RASSF4: variants seen among roughly 807,000 people sequenced by gnomAD.
The protein encoded by RASSF4 is ras association domain-containing protein 4.
Under a neutral mutation model 41.1 loss-of-function variants are expected in RASSF4, and 38 were observed. That is an observed-to-expected ratio of 0.92 (90% CI 0.71 to 1.21). The LOEUF is 1.21. Ranked by LOEUF, RASSF4 falls within the 50% of genes most tolerant of loss-of-function variation. The probability of loss-of-function intolerance (pLI) is 0.00; values close to 1 mark genes in which losing one functional copy is unlikely to be tolerated. For synonymous variants in RASSF4, 179 were observed against 163.4 expected (o/e 1.10, Z -0.73); for missense variants, 414 against 419.4 (o/e 0.99, Z 0.11).
chr10:44,964,881 A>G (rs1564449611), intron 1 of RASSF4, among the ~76,000 whole-genome samples: 1 of 152,246 alleles, frequency 6.6e-6, no homozygotes, highest in Non-Finnish European at 1.5e-5. Context: ...AAATTCATCA[A>G]AATGAATGAA....
At chr10:44,991,160 T>G in intron 9 of RASSF4, 91 bp downstream of exon 9, 1 of 1,245,040 alleles carries the variant, frequency 8.0e-7, no homozygotes, top group Middle Eastern at 2.8e-4. Flanking sequence ...CAGAGCCCTG[T>G]CAGTTGATGT....
chr10:44,988,652 C>T (rs777659828), intron 6 of RASSF4, among the ~76,000 whole-genome samples: 2 of 152,348 alleles, frequency 1.3e-5, no homozygotes, highest in South Asian at 2.1e-4. Flanking sequence ...CAGATCGCTT[C>T]GCCTTGTGTT....
chr10:44,987,402 T>G (rs1312029406), intron 6 of RASSF4, among the ~76,000 whole-genome samples: 1 of 152,172 alleles, frequency 6.6e-6, no homozygotes, highest in Non-Finnish European at 1.5e-5. Context: ...TGGCCCTCTC[T>G]TCCATATTTC....
At chr10:44,977,629 A>AC (rs771154895) in intron 3 of RASSF4, 1 of 1,612,410 alleles carries the variant, frequency 6.2e-7, no homozygotes, top group Non-Finnish European at 8.5e-7. Flanking sequence ...GTCTATGTGG[A>AC]CCCCAGAGGC....
chr10:44,963,695 A>G (rs749433612), intron 1 of RASSF4, among the ~76,000 whole-genome samples: 33 of 152,240 alleles, frequency 2.2e-4, no homozygotes, highest in Non-Finnish European at 4.1e-4. Context: ...GTTATGACCT[A>G]TTTGATTTAA....
chr10:44,964,678 G>T (rs988013757), intron 1 of RASSF4, among the ~76,000 whole-genome samples: 3 of 152,160 alleles, frequency 2.0e-5, no homozygotes, highest in Admixed American at 6.5e-5. Context: ...ATTCTCAAAG[G>T]CCCCACCCAG....
chr10:44,966,596 C>A (rs1462861674), intron 1 of RASSF4, among the ~76,000 whole-genome samples: 5 of 152,148 alleles, frequency 3.3e-5, no homozygotes, highest in Non-Finnish European at 7.4e-5. Flanking sequence ...AAGAAGATTC[C>A]TGGAAAAAGG....
intron 3 of RASSF4, chr10:44,978,022 G>C (rs1450674820): frequency 6.2e-7 from 1 of 1,608,496 alleles, no homozygotes; most frequent in South Asian, 1.1e-5. Context: ...GCAGAAGCCG[G>C]GACCTCATCA....
chr10:44,962,742 G>A lies in RASSF4; in HGVS notation c.-39+2876G>A, dbSNP rs147675788. Among the ~76,000 whole-genome samples the A allele has an allele frequency of 1.3e-4, 20 of 152,382 alleles. No individual in the cohort carries two copies. The East Asian group carries it at 3.9e-3, about 29-fold the overall frequency. On this transcript the variant is annotated intron_variant, in intron 1 of 10. Transcript: ENST00000340258. Reference sequence around the variant, plus strand: ...TGTGGATCTTCTCTTCCATAGGCTAGAGGTGAGCCTGGTTGGTGGGGAAGT... The same window carrying A: ...TGTGGATCTTCTCTTCCATAGGCTAAAGGTGAGCCTGGTTGGTGGGGAAGT...
intron 3 of RASSF4, among the ~76,000 whole-genome samples, chr10:44,980,675 T>G (rs1841671164): frequency 6.6e-6 from 1 of 152,202 alleles, no homozygotes; most frequent in Admixed American, 6.5e-5. Context: ...TTGCATCTCC[T>G]TCTGCGTCCA....
chr10:44,961,324 A>G (rs1218652779), intron 1 of RASSF4, among the ~76,000 whole-genome samples: 1 of 152,248 alleles, frequency 6.6e-6, no homozygotes, highest in Non-Finnish European at 1.5e-5. Context: ...ATCAAGGTCC[A>G]GGGTCGCCCT....
chr10:44,987,421 A>G (rs78763507), intron 6 of RASSF4, among the ~76,000 whole-genome samples: 8,576 of 152,166 alleles, frequency 0.056, 273 homozygotes, highest in African/African-American at 0.085. Flanking sequence ...TCTTTGGACA[A>G]GAAAGCCTAA....
chr10:44,991,942 A>T lies in RASSF4; in HGVS notation c.845A>T (p.Asp282Val), dbSNP rs1004068838. 5 of 1,613,694 alleles carry T rather than the reference A, an allele frequency of 3.1e-6. No individual in the cohort carries two copies. Among genetic ancestry groups the T allele is most frequent in the Non-Finnish European group, 4.2e-6 (5 of 1,179,620 alleles). The change falls in exon 10 of 11, where the codon GAC becomes GTC. Residue 282 changes from aspartate (D) to valine (V), a missense_variant. By Grantham distance (152) the Asp-to-Val change is radical. Coordinates refer to ENST00000340258, the MANE Select transcript of RASSF4 (RefSeq NM_032023.4). ...ATTAAGTTTGAAATGCCGGTGCTGG[A>T]CAGTTTTGTTGAAAAATTAAAAGAA... ...QYIKFEMPVL[D>V]SFVEKLKEEE...
At chr10:44,971,149 T>C (rs1841138971) in intron 2 of RASSF4, 17 of 277,582 alleles carry the variant, frequency 6.1e-5, no homozygotes, top group South Asian at 5.9e-4. Flanking sequence ...AGAGCCCAGC[T>C]TGGGTTCAGG....
rs566622158 is a variant in RASSF4, at chr10:44,991,060, C to T, written c.798C>T (p.Val266=). The change falls in exon 9 of 11, where the codon GTC becomes GTT. Residue 266 remains valine (V), a synonymous_variant. Transcript: ENST00000340258. ...TGGAAGCTGACTTGGGCGTGGAAGT[C>T]CCCCATGAAGTGAGTGGGGGCCAAG... ...FLMEADLGVE[V]PHEVAQYIKF... 8.1e-6 allele frequency: 13 copies of T among 1,613,146 alleles called. No individual in the cohort carries two copies. The highest frequency in any genetic ancestry group is 3.3e-5 in the Admixed American group (2 of 60,012).
At chr10:44,985,229 C>CGT (rs1173218798) in intron 6 of RASSF4, among the ~76,000 whole-genome samples, 2 of 152,194 alleles carry the variant, frequency 1.3e-5, no homozygotes, top group East Asian at 3.9e-4. Context: ...TAACGCTGAC[C>CGT]GTGTCTTCAA....
intron 2 of RASSF4, 167 bp downstream of exon 2, chr10:44,970,431 T>A: frequency 1.6e-6 from 1 of 607,034 alleles, no homozygotes; most frequent in Non-Finnish European, 2.9e-6. Context: ...CAATAGGGGA[T>A]CCCCAAGCTA....
At chr10:44,989,004 C>T (rs1316028905) in intron 6 of RASSF4, among the ~76,000 whole-genome samples, 3 of 152,254 alleles carry the variant, frequency 2.0e-5, no homozygotes, top group East Asian at 3.8e-4. Flanking sequence ...TTGTGAATGA[C>T]TTCCATGGCC....
At chr10:44,978,444 T>G (rs1841549154) in intron 3 of RASSF4, among the ~76,000 whole-genome samples, 1 of 152,140 alleles carries the variant, frequency 6.6e-6, no homozygotes. Flanking sequence ...CGGGATGTTG[T>G]AGGAAATGCA....
Sources: gnomAD v4.1 joint callset for allele counts (sites outside exome capture counted in the v4.1 genomes callset) on GRCh38, gnomAD v4.1.1 for gene constraint, MANE v1.5 for transcripts, NCBI Gene and HGNC (gene_info 2026-07-23, HGNC 2026-07-21) for gene names.